The following CALN1 variants were observed in gnomAD, a reference collection of about 807,000 sequenced individuals.
The protein encoded by CALN1 is calneuron 1.
A neutral mutation model predicts 30.6 loss-of-function variants in CALN1; 17 were observed. That is an observed-to-expected ratio of 0.56 (90% CI 0.38 to 0.83). The LOEUF (loss-of-function observed/expected upper bound fraction) is 0.83, where lower values mean the gene tolerates loss of function less well. CALN1 is among the 40% of genes least tolerant of loss of function. CALN1 has a pLI of 0.00. For missense variants in CALN1, 291 were observed against 354.9 expected, an observed-to-expected ratio of 0.82 and a Z score of 1.45; for synonymous variants, 156 against 131.4, an observed-to-expected ratio of 1.19 and a Z score of -1.28.
intron 3 of CALN1, among the ~76,000 whole-genome samples, chr7:72,275,132 G>A (rs1196706321): frequency 6.6e-6 from 1 of 152,038 alleles, no homozygotes; most frequent in Non-Finnish European, 1.5e-5. Flanking sequence ...GCTGCAGGGT[G>A]GGGAGCTTGA....
chr7:72,358,962 T>C (rs1360109640), intron 2 of CALN1, among the ~76,000 whole-genome samples: 2 of 128,514 alleles, frequency 1.6e-5, no homozygotes, highest in Non-Finnish European at 3.2e-5. Flanking sequence ...AGACTCTACC[T>C]CAAAAAAAAA....
At chr7:72,137,254 G>A (rs1029312449) in intron 3 of CALN1, among the ~76,000 whole-genome samples, 2 of 152,154 alleles carry the variant, frequency 1.3e-5, no homozygotes, top group African/African-American at 4.8e-5. Context: ...GATGTTTCTA[G>A]TTATGCTGAC....
chr7:72,199,486 G>T (rs2129547342), intron 3 of CALN1, among the ~76,000 whole-genome samples: 1 of 152,264 alleles, frequency 6.6e-6, no homozygotes, highest in South Asian at 2.1e-4. Context: ...GGGGGGCATT[G>T]CTCGAGACCA....
At position 72,128,807 on chromosome 7, in the gene CALN1, G is replaced by A. The variant is rs372415457; in HGVS notation, c.245-22513C>T. 7.0e-4 allele frequency among the ~76,000 whole-genome samples: 106 copies of A among 152,352 alleles called. 1 individual carries two copies. Among genetic ancestry groups the A allele is most frequent in the African/African-American group, 2.5e-3 (103 of 41,590 alleles). On this transcript the variant is annotated intron_variant, in intron 3 of 6. Transcript: ENST00000395275. Reference sequence around the variant, plus strand: ...GAATCACTTGAACCCAGGAGGCAGAGGTTTCAGTGAGCTGAGATCGGGCCG... The same window carrying A: ...GAATCACTTGAACCCAGGAGGCAGAAGTTTCAGTGAGCTGAGATCGGGCCG...
chr7:72,070,609 A>T (rs752531371), intron 4 of CALN1, among the ~76,000 whole-genome samples: 2 of 152,176 alleles, frequency 1.3e-5, no homozygotes, highest in African/African-American at 4.8e-5. Flanking sequence ...CCCTGACTTT[A>T]TTGTGGCTTT....
rs536458934 is a variant in CALN1, at chr7:71,830,499, C to A, written c.502-20007G>T. ...AATGGCTGGAAGTACAGGTGCCCAC[C>A]ACCATGCCTGGCTAATTTTTGTACT... On this transcript the variant is annotated intron_variant, in intron 5 of 6. Coordinates refer to ENST00000395275, the MANE Select transcript of CALN1 (RefSeq NM_031468.4). Among the ~76,000 whole-genome samples the A allele has an allele frequency of 2.0e-5, 3 of 152,092 alleles. No homozygotes were observed. The South Asian group carries it at 6.2e-4, about 32-fold the overall frequency.
chr7:72,136,136 A>AAAATAAAATAAATAAAT (rs1554450945), intron 3 of CALN1, among the ~76,000 whole-genome samples: 1 of 140,802 alleles, frequency 7.1e-6, no homozygotes, highest in Non-Finnish European at 1.5e-5. Flanking sequence ...CTCTGTCTCA[A>AAAATAAAATAAATAAAT]AAATAAATAA....
rs149391492 is a variant in CALN1 at position 71,915,005 on chromosome 7, C to T, written c.502-104513G>A. On this transcript the variant is annotated intron_variant, in intron 5 of 6. Transcript: ENST00000395275. ...CTCTTACTGAAGGATATATACCCTACAACTAAACAATGGTGGCAACAGGAC... is the reference window on the plus strand; with the variant it reads ...CTCTTACTGAAGGATATATACCCTATAACTAAACAATGGTGGCAACAGGAC... Among the ~76,000 whole-genome samples, 3 of 152,164 alleles carry T rather than the reference C, an allele frequency of 2.0e-5. No individual in the cohort carries two copies. In the East Asian group the frequency reaches 5.8e-4, roughly 29 times the overall value.
chr7:72,386,670 C>T (rs970669572), intron 2 of CALN1, among the ~76,000 whole-genome samples: 3 of 152,090 alleles, frequency 2.0e-5, no homozygotes, highest in Admixed American at 6.6e-5. Context: ...GGTTATCACT[C>T]TTTCACCCAA....
chr7:72,334,737 C>G (rs976122008), intron 2 of CALN1, among the ~76,000 whole-genome samples: 3 of 152,244 alleles, frequency 2.0e-5, no homozygotes, highest in African/African-American at 7.2e-5. Context: ...TAGCTCTCCT[C>G]CAATAAAATA....
intron 2 of CALN1, among the ~76,000 whole-genome samples, chr7:72,339,347 T>C (rs900770904): frequency 2.0e-5 from 3 of 152,212 alleles, no homozygotes; most frequent in African/African-American, 4.8e-5. Context: ...GTGGGATTGC[T>C]GGATCATATG....
intron 3 of CALN1, among the ~76,000 whole-genome samples, chr7:72,107,931 G>C (rs977402551): frequency 2.0e-5 from 3 of 152,164 alleles, no homozygotes. Flanking sequence ...CCTCGGTTCT[G>C]ACTCATTTAC....
At chr7:72,365,102 C>T (rs1244425848) in intron 2 of CALN1, among the ~76,000 whole-genome samples, 5 of 151,648 alleles carry the variant, frequency 3.3e-5, no homozygotes, top group Admixed American at 6.6e-5. Context: ...GTCAGGAGTT[C>T]GAGATCAGCC....
intron 2 of CALN1, among the ~76,000 whole-genome samples, chr7:72,281,573 C>T (rs1367775393): frequency 4.6e-5 from 7 of 152,156 alleles, no homozygotes; most frequent in Admixed American, 4.6e-4. Flanking sequence ...TGAGCCTCAC[C>T]AGCTGCTACC....
intron 5 of CALN1, among the ~76,000 whole-genome samples, chr7:71,821,066 G>C (rs1788557951): frequency 6.6e-6 from 1 of 152,116 alleles, no homozygotes; most frequent in South Asian, 2.1e-4. Flanking sequence ...GGTTCCTGAG[G>C]GACAGCCCAG....
intron 5 of CALN1, among the ~76,000 whole-genome samples, chr7:71,822,279 G>A (rs1002243468): frequency 2.0e-4 from 30 of 151,666 alleles, no homozygotes; most frequent in African/African-American, 5.6e-4. Context: ...ATGGCGTTTC[G>A]CTCTTGTTGC....
At chr7:72,350,935 G>A (rs1020414407) in intron 2 of CALN1, among the ~76,000 whole-genome samples, 1 of 152,160 alleles carries the variant, frequency 6.6e-6, no homozygotes, top group South Asian at 2.1e-4. Context: ...GAGGTCAGGA[G>A]TTCAAGACCA....
intron 4 of CALN1, among the ~76,000 whole-genome samples, chr7:72,039,922 G>T (rs1417267988): frequency 6.6e-6 from 1 of 152,080 alleles, no homozygotes; most frequent in Non-Finnish European, 1.5e-5. Context: ...CTCCTGCTCT[G>T]CTTGGTTACT....
chr7:72,016,890 T>C (rs1800408438), intron 5 of CALN1, among the ~76,000 whole-genome samples: 1 of 150,642 alleles, frequency 6.6e-6, no homozygotes, highest in Non-Finnish European at 1.5e-5. Context: ...CGGTGGCTCA[T>C]GCCTGTAATC....
Sources: gnomAD v4.1 joint callset for allele counts (sites outside exome capture counted in the v4.1 genomes callset) on GRCh38, gnomAD v4.1.1 for gene constraint, MANE v1.5 for transcripts, NCBI Gene and HGNC (gene_info 2026-07-23, HGNC 2026-07-21) for gene names.